CALN1: variants seen among roughly 807,000 people sequenced by gnomAD.
The protein encoded by CALN1 is calneuron 1.
A neutral mutation model predicts 30.6 loss-of-function variants in CALN1; 17 were observed. The ratio of observed to expected loss-of-function variants is 0.56; its 90% CI spans 0.38 to 0.83. The LOEUF is 0.83. Ranked by LOEUF, CALN1 falls within the 40% of genes least tolerant of loss-of-function variation. The pLI is 0.00. For synonymous variants in CALN1, 156 were observed against 131.4 expected (o/e 1.19, Z -1.28); for missense variants, 291 against 354.9 (o/e 0.82, Z 1.45).
intron 6 of CALN1, among the ~76,000 whole-genome samples, chr7:71,794,356 G>A (rs1279175324): frequency 6.6e-6 from 1 of 152,104 alleles, no homozygotes; most frequent in Non-Finnish European, 1.5e-5. Context: ...AATTATTGAA[G>A]GTTATCATAC....
intron 1 of CALN1, among the ~76,000 whole-genome samples, chr7:72,426,831 G>A (rs1775544756): frequency 6.6e-6 from 1 of 152,154 alleles, no homozygotes; most frequent in Non-Finnish European, 1.5e-5. Flanking sequence ...GACCACTCAT[G>A]TTTGCTGTTC....
intron 2 of CALN1, among the ~76,000 whole-genome samples, chr7:72,314,366 CATATATACACATATATACACATATAT>C (rs1184401119): frequency 7.3e-5 from 6 of 81,804 alleles, no homozygotes; most frequent in Non-Finnish European, 2.3e-4. Context: ...TATACATATA[CATATATACACATATATACACATATAT>C]ATACACATAT....
intron 5 of CALN1, among the ~76,000 whole-genome samples, chr7:71,907,546 C>T (rs1425611831): frequency 6.6e-6 from 1 of 152,176 alleles, no homozygotes; most frequent in Non-Finnish European, 1.5e-5. Context: ...AATTTCAGTC[C>T]TTCCCCTATG....
At chr7:72,458,163 A>T in the CALN1 span, among the ~76,000 whole-genome samples, 55 of 131,122 alleles carry the variant, frequency 4.2e-4, 1 homozygote, top group East Asian at 4.6e-3. Flanking sequence ...TTATATATAT[A>T]TTTTATTTTA....
intron 4 of CALN1, among the ~76,000 whole-genome samples, chr7:72,101,518 G>C (rs989439649): frequency 6.6e-6 from 1 of 152,110 alleles, no homozygotes; most frequent in Non-Finnish European, 1.5e-5. Flanking sequence ...TCAGAATTGG[G>C]AGAACAAGCT....
At chr7:72,279,504 C>T (rs1035132586) in intron 2 of CALN1, among the ~76,000 whole-genome samples, 1 of 152,212 alleles carries the variant, frequency 6.6e-6, no homozygotes, top group African/African-American at 2.4e-5. Flanking sequence ...CTACTTCCAG[C>T]ACTCTCACAC....
intron 3 of CALN1, among the ~76,000 whole-genome samples, chr7:72,212,375 G>T (rs909232084): frequency 6.7e-6 from 1 of 149,316 alleles, no homozygotes; most frequent in African/African-American, 2.5e-5. Context: ...AAATACCAGA[G>T]GGGGGAAGAA....
At chr7:72,023,512 G>A in intron 5 of CALN1, 145 bp downstream of exon 5, 1 of 509,500 alleles carries the variant, frequency 2.0e-6, no homozygotes, top group East Asian at 3.1e-5. Flanking sequence ...AAAAGTAGTT[G>A]TTTTGATTCT....
upstream of CALN1, among the ~76,000 whole-genome samples, chr7:72,412,663 C>T (rs1807261171): frequency 1.3e-5 from 2 of 152,298 alleles, no homozygotes; most frequent in African/African-American, 4.8e-5. Flanking sequence ...CAGCCCTTGT[C>T]CCCTCACCCT....
At chr7:72,434,573 GGAA>G (rs1314149726) in intron 1 of CALN1, among the ~76,000 whole-genome samples, 2 of 151,452 alleles carry the variant, frequency 1.3e-5, no homozygotes, top group Non-Finnish European at 2.9e-5. Context: ...AAGAGGAAGA[GGAA>G]GAAGAAGGAG....
intron 5 of CALN1, among the ~76,000 whole-genome samples, chr7:71,939,370 C>T (rs1413385717): frequency 1.5e-5 from 2 of 129,962 alleles, no homozygotes; most frequent in Non-Finnish European, 3.2e-5. Flanking sequence ...CCAGCCTGGG[C>T]AACATGGTGA....
chr7:72,143,694 T>A (rs570980089), intron 3 of CALN1, among the ~76,000 whole-genome samples: 1 of 151,804 alleles, frequency 6.6e-6, no homozygotes, highest in South Asian at 2.1e-4. Context: ...AAAGTTGAAA[T>A]GAAGAAAAAA....
chr7:72,402,595 C>T (rs1395155588), intron 2 of CALN1, among the ~76,000 whole-genome samples: 3 of 152,168 alleles, frequency 2.0e-5, no homozygotes, highest in African/African-American at 7.2e-5. Context: ...TGAAATTCCT[C>T]TTGAGTTTGT....
chr7:72,024,831 T>C (rs1800950974), intron 4 of CALN1, among the ~76,000 whole-genome samples: 1 of 152,246 alleles, frequency 6.6e-6, no homozygotes, highest in Admixed American at 6.5e-5. Flanking sequence ...CGTGCATGTG[T>C]ATGCCTATCC....
intron 3 of CALN1, among the ~76,000 whole-genome samples, chr7:72,136,167 A>ATAAATAAATAAATAAC (rs1809498684): frequency 6.6e-6 from 1 of 151,874 alleles, no homozygotes; most frequent in African/African-American, 2.4e-5. Flanking sequence ...AAATAAATAA[A>ATAAATAAATAAATAAC]TAAAGGGCTG....
At chr7:72,362,353 A>T (rs962498028) in intron 2 of CALN1, among the ~76,000 whole-genome samples, 4 of 152,252 alleles carry the variant, frequency 2.6e-5, no homozygotes, top group Admixed American at 1.3e-4. Flanking sequence ...TTTGTAGCTT[A>T]CATATTTCTC....
At chr7:72,425,992 C>T (rs2129563841) in intron 1 of CALN1, among the ~76,000 whole-genome samples, 1 of 152,328 alleles carries the variant, frequency 6.6e-6, no homozygotes, top group Middle Eastern at 3.4e-3. Flanking sequence ...AGCCAAATGC[C>T]TCAGGGCGAA....
At chr7:72,317,094 G>GA (rs1800529058) in intron 2 of CALN1, among the ~76,000 whole-genome samples, 1 of 33,042 alleles carries the variant, frequency 3.0e-5, no homozygotes, top group African/African-American at 2.1e-4. Context: ...GAGAGAGAGA[G>GA]GGAGGGAGGA....
chr7:72,054,448 C>CGT (rs1238994924), intron 4 of CALN1, among the ~76,000 whole-genome samples: 1 of 102,258 alleles, frequency 9.8e-6, no homozygotes, highest in African/African-American at 4.2e-5. Flanking sequence ...TATATATATA[C>CGT]ATATATATAC....
Sources: gnomAD v4.1 joint callset for allele counts (sites outside exome capture counted in the v4.1 genomes callset) on GRCh38, gnomAD v4.1.1 for gene constraint, MANE v1.5 for transcripts, NCBI Gene and HGNC (gene_info 2026-07-23, HGNC 2026-07-21) for gene names.